The following SRGAP1 variants were observed in gnomAD, a reference collection of about 807,000 sequenced individuals.
SRGAP1 encodes the protein SLIT-ROBO Rho GTPase activating protein 1, also known as SLIT-ROBO Rho GTPase-activating protein 1.
In SRGAP1, 43 loss-of-function variants were observed where a neutral mutation model predicts 121.9. That is an observed-to-expected ratio of 0.35 (90% CI 0.28 to 0.46). The LOEUF (loss-of-function observed/expected upper bound fraction) is 0.46. Among genes scored for constraint, SRGAP1 ranks in the 20% least tolerant of loss-of-function variants. SRGAP1 has a pLI of 1.00. For missense variants in SRGAP1, 1,102 were observed against 1,350.9 expected (o/e 0.82, Z 2.89); for synonymous variants, 447 against 485.4 (o/e 0.92, Z 1.04).
chr12:63,935,875 G>C (rs931726354), intron 1 of SRGAP1, among the ~76,000 whole-genome samples: 1 of 152,140 alleles, frequency 6.6e-6, no homozygotes, highest in African/African-American at 2.4e-5. Context: ...GAGAATTCCA[G>C]CTCTTAGTGA....
intron 1 of SRGAP1, among the ~76,000 whole-genome samples, chr12:63,913,194 CTTTTTTTTTTT>C (rs759566545): frequency 1.7e-4 from 10 of 59,012 alleles, no homozygotes; most frequent in Admixed American, 5.2e-4. Context: ...GTAAATCCTT[CTTTTTTTTTTT>C]TTTTTTTTTT....
chr12:64,094,942 A>G lies in SRGAP1; in HGVS notation c.1550A>G (p.Gln517Arg), dbSNP rs114650343. ...DLETFVKDSG[Q>R]VIPLIVESCI... ...CATCCCTTTACCCAGGACTCAGGAC[A>G]GGTTATTCCCCTCATTGTGGAAAGC... Residue 517 changes from glutamine (Q) to arginine (R), a missense_variant, in exon 13 of 22, where the codon CAG becomes CGG. This residue lies in a region of SRGAP1 where 747 missense variants were observed against 929.4 expected (regional missense o/e 0.80). Coordinates refer to ENST00000355086, the MANE Select transcript of SRGAP1 (RefSeq NM_020762.4). The G allele has an allele frequency of 6.2e-6, 10 of 1,614,160 alleles. No individual in the cohort carries two copies. The East Asian group carries it at 2.0e-4, about 32-fold the overall frequency.
At chr12:64,134,466 T>C (rs1046183442) in intron 21 of SRGAP1, among the ~76,000 whole-genome samples, 6 of 152,008 alleles carry the variant, frequency 3.9e-5, no homozygotes, top group African/African-American at 1.5e-4. Context: ...AAATCTGTTT[T>C]GCAAGGCATT....
chr12:64,100,985 A>G (rs1268513963), intron 15 of SRGAP1, among the ~76,000 whole-genome samples: 1 of 152,188 alleles, frequency 6.6e-6, no homozygotes, highest in Admixed American at 6.5e-5. Flanking sequence ...GGATTCAGAG[A>G]CTTGATTCTT....
Position 64,156,575 on chromosome 12 carries a change from G to T in SRGAP1, c.*13903G>T, listed in dbSNP as rs2037165916. ...CCCTGACCCCAAGATTAGGGGTTTT[G>T]TTAGAGGCAAAGCTAAAAGGAAATG... On this transcript the variant is annotated 3_prime_UTR_variant, in exon 22 of 22. Coordinates refer to ENST00000355086, the MANE Select transcript of SRGAP1 (RefSeq NM_020762.4). 1.3e-5 allele frequency: 2 copies of T among 152,162 alleles called. No homozygotes were observed. The highest frequency in any genetic ancestry group is 6.5e-5 in the Admixed American group (1 of 15,270). 9.4% of individuals were successfully genotyped at this position (152,162 alleles called of 1,614,324 possible).
intron 1 of SRGAP1, among the ~76,000 whole-genome samples, chr12:63,847,693 C>T (rs980684977): frequency 1.3e-5 from 2 of 152,064 alleles, no homozygotes; most frequent in Non-Finnish European, 2.9e-5. Flanking sequence ...TTGCAGTGAG[C>T]TGAAATTGCG....
chr12:64,072,685 G>A (rs1009878128), intron 8 of SRGAP1, among the ~76,000 whole-genome samples: 1 of 152,078 alleles, frequency 6.6e-6, no homozygotes, highest in East Asian at 1.9e-4. Context: ...CCAACACCTC[G>A]ATCTCAGACA....
At position 64,152,696 on chromosome 12, in the gene SRGAP1, C is replaced by G. The variant is rs1030504849; in HGVS notation, c.*10024C>G. 6.6e-6 allele frequency: 1 copy of G among 152,198 alleles called. No homozygotes were observed. The highest frequency in any genetic ancestry group is 1.5e-5 in the Non-Finnish European group (1 of 68,048). 9.4% of individuals were successfully genotyped at this position (152,198 alleles called of 1,614,324 possible). ...ATTCCTCAGCCTAAAATGTCCCCTACTTCATCCTGACAACTGCCTGTTGAA... is the reference window on the plus strand; with the variant it reads ...ATTCCTCAGCCTAAAATGTCCCCTAGTTCATCCTGACAACTGCCTGTTGAA... On this transcript the variant is annotated 3_prime_UTR_variant, in exon 22 of 22. Transcript: ENST00000355086.
chr12:63,960,867 G>C lies in SRGAP1; in HGVS notation c.68-23080G>C, dbSNP rs559494571. ...AGGCTCTAGAAGCTGGAAGAGGCAA[G>C]GAATGGATTCTCCCCAACAGCCTCC... On this transcript the variant is annotated intron_variant, in intron 1 of 21. Coordinates refer to ENST00000355086, the MANE Select transcript of SRGAP1 (RefSeq NM_020762.4). 4.6e-5 allele frequency among the ~76,000 whole-genome samples: 7 copies of C among 152,302 alleles called. No homozygotes were observed. The South Asian group carries it at 1.4e-3, about 32-fold the overall frequency.
intron 10 of SRGAP1, among the ~76,000 whole-genome samples, chr12:64,086,196 T>C (rs1049118160): frequency 6.6e-6 from 1 of 152,222 alleles, no homozygotes; most frequent in Non-Finnish European, 1.5e-5. Flanking sequence ...GACCATGTCA[T>C]TATTTTGCAA....
intron 1 of SRGAP1, among the ~76,000 whole-genome samples, chr12:63,920,637 G>A (rs1273227981): frequency 6.6e-6 from 1 of 152,142 alleles, no homozygotes; most frequent in African/African-American, 2.4e-5. Flanking sequence ...GAGATGAGTT[G>A]GATATGCAGA....
chr12:64,069,691 C>T (rs1437149252), intron 8 of SRGAP1, among the ~76,000 whole-genome samples: 1 of 152,076 alleles, frequency 6.6e-6, no homozygotes, highest in Non-Finnish European at 1.5e-5. Context: ...GAGACAGGGT[C>T]CCGCTCTGTC....
intron 14 of SRGAP1, among the ~76,000 whole-genome samples, chr12:64,096,913 A>G (rs2036166040): frequency 6.6e-6 from 1 of 152,210 alleles, no homozygotes; most frequent in African/African-American, 2.4e-5. Flanking sequence ...ATTCATGTCA[A>G]ACTAAGATTA....
intron 10 of SRGAP1, 44 bp from the exon 11 acceptor site, chr12:64,086,955 G>A (rs749749455): frequency 1.3e-6 from 2 of 1,497,748 alleles, no homozygotes; most frequent in East Asian, 2.3e-5. Context: ...CATACACTCT[G>A]CTGATTCCTT....
chr12:63,865,188 G>A (rs1245252152), intron 1 of SRGAP1, among the ~76,000 whole-genome samples: 2 of 152,144 alleles, frequency 1.3e-5, no homozygotes, highest in African/African-American at 4.8e-5. Context: ...AGGGCACGGT[G>A]GCTCACTCCT....
chr12:64,043,829 A>G (rs1220152831), intron 6 of SRGAP1, among the ~76,000 whole-genome samples: 1 of 152,214 alleles, frequency 6.6e-6, no homozygotes, highest in African/African-American at 2.4e-5. Flanking sequence ...AAGCCTGGTA[A>G]ACTTAGCTAA....
chr12:64,045,477 G>C (rs531671510), intron 6 of SRGAP1, among the ~76,000 whole-genome samples: 1 of 150,174 alleles, frequency 6.7e-6, no homozygotes, highest in Non-Finnish European at 1.5e-5. Flanking sequence ...ACTCTGTCAC[G>C]TAGGCTGGAG....
chr12:63,988,960 A>G (rs2136416873), intron 2 of SRGAP1, among the ~76,000 whole-genome samples: 1 of 152,214 alleles, frequency 6.6e-6, no homozygotes, highest in East Asian at 1.9e-4. Flanking sequence ...ACACGTGCCC[A>G]TCACCATGCC....
intron 3 of SRGAP1, among the ~76,000 whole-genome samples, chr12:64,013,061 T>C (rs900019351): frequency 1.3e-5 from 2 of 152,268 alleles, no homozygotes; most frequent in Admixed American, 1.3e-4. Flanking sequence ...TCTGATGGAC[T>C]TTTAACAACC....
Sources: gnomAD v4.1 joint callset for allele counts (sites outside exome capture counted in the v4.1 genomes callset) on GRCh38, gnomAD v4.1.1 for gene constraint, gnomAD v4.1.1 regional missense constraint, MANE v1.5 for transcripts, NCBI Gene and HGNC (gene_info 2026-07-23, HGNC 2026-07-21) for gene names.